Variants in EXOC4 observed in about 807,000 individuals in gnomAD.
The protein encoded by EXOC4 is exocyst complex component 4, also known as SEC8-like 1.
EXOC4 carries 71 observed loss-of-function variants against 107.2 expected under a neutral mutation model. That is an observed-to-expected ratio of 0.66 (90% CI 0.55 to 0.81). EXOC4 has a LOEUF of 0.81. Among genes scored for constraint, EXOC4 ranks in the 30% least tolerant of loss-of-function variants. The probability of loss-of-function intolerance (pLI) is 0.00; values close to 1 mark genes in which losing one functional copy is unlikely to be tolerated. For synonymous variants in EXOC4, 456 were observed against 441.2 expected (o/e 1.03, Z -0.42); for missense variants, 1,108 against 1,189.6 (o/e 0.93, Z 1.01).
intron 14 of EXOC4, among the ~76,000 whole-genome samples, chr7:133,985,487 G>T (rs534868317): frequency 6.6e-6 from 1 of 152,288 alleles, no homozygotes; most frequent in Non-Finnish European, 1.5e-5. Flanking sequence ...ACAACCTGCT[G>T]TGACTCTAAG....
At chr7:133,406,698 G>T (rs575899768) in intron 7 of EXOC4, among the ~76,000 whole-genome samples, 1 of 152,204 alleles carries the variant, frequency 6.6e-6, no homozygotes, top group South Asian at 2.1e-4. Context: ...AATTCACCTC[G>T]GTTTAAATTA....
At chr7:133,576,592 G>C in intron 9 of EXOC4, 4 of 1,289,780 alleles carry the variant, frequency 3.1e-6, no homozygotes, top group Non-Finnish European at 4.0e-6. Context: ...CTATAAAGCG[G>C]ATTTCTCAAG....
At chr7:133,324,461 G>C (rs1032631350) in intron 5 of EXOC4, among the ~76,000 whole-genome samples, 4 of 152,202 alleles carry the variant, frequency 2.6e-5, no homozygotes, top group Middle Eastern at 6.8e-3. Flanking sequence ...CCTTCATTTT[G>C]TTATGTACCC....
intron 14 of EXOC4, among the ~76,000 whole-genome samples, chr7:133,995,275 G>A (rs1304643495): frequency 1.3e-5 from 2 of 152,110 alleles, no homozygotes; most frequent in African/African-American, 4.8e-5. Flanking sequence ...TTCTTGGCGG[G>A]ATTTGTCCAG....
chr7:133,420,843 T>C (rs1010653825), intron 7 of EXOC4, among the ~76,000 whole-genome samples: 10 of 151,634 alleles, frequency 6.6e-5, no homozygotes, highest in African/African-American at 2.4e-4. Flanking sequence ...TAAAAGCTTA[T>C]TCACATCAGG....
At position 133,918,141 on chromosome 7, in the gene EXOC4, C is replaced by T. The variant is rs531838382; in HGVS notation, c.2027+403C>T. 2.3e-4 allele frequency among the ~76,000 whole-genome samples: 22 copies of T among 94,974 alleles called. No homozygotes were observed. The East Asian group carries it at 5.2e-3, about 22-fold the overall frequency. The allele number at this position is 94,974 out of a possible 152,430, so 62.3% of individuals were successfully genotyped here. A position where few individuals can be genotyped will look rare whatever the true frequency, so the allele number is the denominator to read the frequency against. On this transcript the variant is annotated intron_variant, in intron 13 of 17. Coordinates refer to ENST00000253861, the MANE Select transcript of EXOC4 (RefSeq NM_021807.4). ...GGGACTACCGGTGCCCACCACCACG[C>T]CCGGCTAATTTTTTATTTTTAGTAG... is the stretch of plus-strand genomic sequence containing the variant.
chr7:133,906,751 G>A (rs1167973125), intron 12 of EXOC4, among the ~76,000 whole-genome samples: 1 of 152,350 alleles, frequency 6.6e-6, no homozygotes, highest in Non-Finnish European at 1.5e-5. Context: ...AGATCCGGCA[G>A]GGTGTCCACT....
intron 7 of EXOC4, among the ~76,000 whole-genome samples, chr7:133,428,872 AT>A (rs1269037169): frequency 6.6e-6 from 1 of 151,988 alleles, no homozygotes; most frequent in African/African-American, 2.4e-5. Flanking sequence ...TTTTTCTTAA[AT>A]TTTTTTCTTT....
intron 10 of EXOC4, among the ~76,000 whole-genome samples, chr7:133,751,982 CAAATAAATAAAT>C (rs138557946): frequency 8.0e-6 from 1 of 124,990 alleles, no homozygotes; most frequent in African/African-American, 2.6e-5. Context: ...ATCTCTCTAC[CAAATAAATAAAT>C]AAATAAATAA....
intron 9 of EXOC4, among the ~76,000 whole-genome samples, chr7:133,594,491 G>GTTTTTTTTTTTT (rs1302445068): frequency 5.9e-4 from 14 of 23,672 alleles, no homozygotes; most frequent in East Asian, 1.3e-3. Flanking sequence ...ATAAGCTTGA[G>GTTTTTTTTTTTT]TCTTTTTTTT....
chr7:133,543,316 A>G (rs563340780), intron 9 of EXOC4, among the ~76,000 whole-genome samples: 25 of 152,274 alleles, frequency 1.6e-4, no homozygotes, highest in Admixed American at 1.4e-3. Context: ...CATCGATGAT[A>G]TAATTTAATT....
intron 9 of EXOC4, among the ~76,000 whole-genome samples, chr7:133,590,943 G>T (rs140004807): frequency 1.3e-3 from 195 of 152,274 alleles, no homozygotes; most frequent in African/African-American, 4.4e-3. Flanking sequence ...CAGATCATGG[G>T]CAGGGACCTC....
intron 17 of EXOC4, among the ~76,000 whole-genome samples, chr7:134,045,860 G>A (rs1448840307): frequency 6.6e-6 from 1 of 151,994 alleles, no homozygotes; most frequent in African/African-American, 2.4e-5. Flanking sequence ...TCATAGAAGT[G>A]AAATTACACA....
chr7:133,817,911 A>G (rs901019932), intron 11 of EXOC4, among the ~76,000 whole-genome samples: 1 of 152,176 alleles, frequency 6.6e-6, no homozygotes, highest in Non-Finnish European at 1.5e-5. Flanking sequence ...ATGATGCCCA[A>G]CTTCAATTAC....
intron 9 of EXOC4, among the ~76,000 whole-genome samples, chr7:133,552,120 G>A (rs1199708396): frequency 6.6e-6 from 1 of 152,092 alleles, no homozygotes; most frequent in Non-Finnish European, 1.5e-5. Flanking sequence ...TAATAAAACT[G>A]GTTGCATTCT....
intron 7 of EXOC4, among the ~76,000 whole-genome samples, chr7:133,422,294 G>A (rs537591086): frequency 5.6e-4 from 86 of 152,220 alleles, no homozygotes; most frequent in African/African-American, 2.0e-3. Context: ...TAAAAAACTC[G>A]CTTAGTGAAG....
intron 12 of EXOC4, among the ~76,000 whole-genome samples, chr7:133,916,192 C>T (rs940582115): frequency 4.3e-4 from 65 of 152,344 alleles, no homozygotes; most frequent in African/African-American, 1.5e-3. Context: ...CCCTCGCATG[C>T]GCGGTTCACA....
chr7:133,826,233 T>C (rs969198166), intron 11 of EXOC4, among the ~76,000 whole-genome samples: 3 of 152,182 alleles, frequency 2.0e-5, no homozygotes, highest in African/African-American at 7.2e-5. Flanking sequence ...ATAACATTCG[T>C]CCATGTTTTC....
intron 7 of EXOC4, among the ~76,000 whole-genome samples, chr7:133,404,109 T>A (rs1797155762): frequency 6.6e-6 from 1 of 152,082 alleles, no homozygotes; most frequent in African/African-American, 2.4e-5. Flanking sequence ...TTTTTTTTGT[T>A]TGTTTGTTTG....
Sources: gnomAD v4.1 joint callset for allele counts (sites outside exome capture counted in the v4.1 genomes callset) on GRCh38, gnomAD v4.1.1 for gene constraint, MANE v1.5 for transcripts, NCBI Gene and HGNC (gene_info 2026-07-23, HGNC 2026-07-21) for gene names.